CSPP1: variants seen among roughly 807,000 people sequenced by gnomAD.
CSPP1 encodes the protein centrosome and spindle pole-associated protein 1.
Under a neutral mutation model 164.4 loss-of-function variants are expected in CSPP1, and 126 were observed. The ratio of observed to expected loss-of-function variants is 0.77; its 90% CI spans 0.66 to 0.89. CSPP1 has a LOEUF of 0.89. Ranked by LOEUF, CSPP1 falls within the 40% of genes least tolerant of loss-of-function variation. CSPP1 has a pLI of 0.00. For synonymous variants in CSPP1, 472 were observed against 476.7 expected, an observed-to-expected ratio of 0.99 and a Z score of 0.13; for missense variants, 1,395 against 1,449.8, an observed-to-expected ratio of 0.96 and a Z score of 0.61.
rs1817491489 is a variant in CSPP1, at chr8:67,114,314, A to G, written c.1246-15A>G. 1 of 152,744 alleles carries G rather than the reference A, an allele frequency of 6.5e-6. No individual in the cohort carries two copies. Among genetic ancestry groups the G allele is most frequent in the African/African-American group, 2.4e-5 (1 of 41,422 alleles). The allele number at this position is 152,744 out of a possible 1,614,324, so 9.5% of individuals were successfully genotyped here. On this transcript the variant is annotated splice_polypyrimidine_tract_variant and intron_variant, in intron 11 of 30. Coordinates refer to ENST00000678616, the MANE Select transcript of CSPP1 (RefSeq NM_001382391.1). ...ATCTTATTTTTACTTTAATTTTGCA[A>G]TTCTCATCATTAAGTGGAATGAATT...
rs772948998 is a variant in CSPP1 at position 67,095,463 on chromosome 8, A to G, written c.654A>G (p.Arg218=). Residue 218 remains arginine, a synonymous_variant, in exon 7 of 31, where the codon CGA becomes CGG. Coordinates refer to ENST00000678616, the MANE Select transcript of CSPP1 (RefSeq NM_001382391.1). The part of the protein sequence containing the change: ...NQRRLEEDRY[R]QLDDEIELRN... ...GACGACTAGAGGAGGACAGATACCGACAACTAGATGATGAAATCGAATTAA... is the reference window on the plus strand; with the variant it reads ...GACGACTAGAGGAGGACAGATACCGGCAACTAGATGATGAAATCGAATTAA... 8 of 1,613,572 alleles carry G rather than the reference A, an allele frequency of 5.0e-6. No homozygotes were observed. The East Asian group carries it at 1.8e-4, about 36-fold the overall frequency.
chr8:67,099,804 C>A (rs374810668), intron 7 of CSPP1, among the ~76,000 whole-genome samples: 14 of 151,980 alleles, frequency 9.2e-5, no homozygotes, highest in Admixed American at 5.9e-4. Context: ...AAGGAAATGC[C>A]ATAAAAATTG....
Position 67,175,370 on chromosome 8 carries a change from C to A in CSPP1, c.3043C>A (p.Gln1015Lys), listed in dbSNP as rs1831355166. Residue 1015 changes from glutamine to lysine, a missense_variant, in exon 26 of 31, where the codon CAG (glutamine) becomes AAG (lysine). Physicochemically the swap from Gln to Lys is moderately conservative, Grantham distance 53. Coordinates refer to ENST00000678616, the MANE Select transcript of CSPP1 (RefSeq NM_001382391.1). ...PRDHHTLEIQ[Q>K]QALLREQQKR... Reference sequence around the variant, plus strand: ...AGATCATCACACCTTAGAGATTCAGCAGCAAGCCCTGCTAAGAGAGCAGCA... The same window carrying A: ...AGATCATCACACCTTAGAGATTCAGAAGCAAGCCCTGCTAAGAGAGCAGCA... 1 of 1,614,082 alleles carries A rather than the reference C, an allele frequency of 6.2e-7. No homozygotes were observed. The highest frequency in any genetic ancestry group is 1.1e-5 in the South Asian group (1 of 91,076).
chr8:67,105,947 C>G lies in CSPP1; in HGVS notation c.1065C>G (p.Thr355=). The G allele has an allele frequency of 6.3e-7, 1 of 1,593,696 alleles. No homozygotes were observed. Among genetic ancestry groups the G allele is most frequent in the Non-Finnish European group, 8.6e-7 (1 of 1,161,704 alleles). The change falls in exon 9 of 31, where the codon ACC becomes ACG. Residue 355 remains threonine (T), a synonymous_variant. Coordinates refer to ENST00000678616, the MANE Select transcript of CSPP1 (RefSeq NM_001382391.1). ...NETSKSANQD[T]CSPFAGMLFG... ...CATCCAAATCTGCTAATCAAGATAC[C>G]TGTAGTCCTTTTGCAGGGATGCTCT... is the stretch of plus-strand genomic sequence containing the variant.
chr8:67,076,664 G>C, intron 3 of CSPP1, 83 bp downstream of exon 3: 1 of 711,004 alleles, frequency 1.4e-6, no homozygotes. Flanking sequence ...CAGAAAAAAA[G>C]ATTTATTTGG....
At chr8:67,076,978 A>G (rs907462718) in intron 3 of CSPP1, among the ~76,000 whole-genome samples, 2 of 152,166 alleles carry the variant, frequency 1.3e-5, no homozygotes, top group Admixed American at 6.5e-5. Context: ...GTGAAAGACT[A>G]TTTTAATTAT....
At chr8:67,103,168 TCATTA>T in intron 8 of CSPP1, 33 bp downstream of exon 8, 2 of 1,310,884 alleles carry the variant, frequency 1.5e-6, no homozygotes, top group South Asian at 2.4e-5. Flanking sequence ...TCTGCTTTAG[TCATTA>T]CATTGTGAAA....
intron 12 of CSPP1, chr8:67,114,576 C>T (rs927352818): frequency 9.2e-5 from 14 of 152,268 alleles, no homozygotes; most frequent in African/African-American, 3.1e-4. Context: ...GAGAATATAT[C>T]CTGTGGGTTA....
chr8:67,160,787 TTAAAATCCTAATC>T (rs1828192758), intron 21 of CSPP1, among the ~76,000 whole-genome samples: 1 of 151,886 alleles, frequency 6.6e-6, no homozygotes, highest in Non-Finnish European at 1.5e-5. Flanking sequence ...TGTTGAATTT[TTAAAATCCTAATC>T]TGAGTTATAA....
rs773054384 is a variant in CSPP1, at chr8:67,177,742, C to A, written c.3156+16C>A. 6.0e-5 allele frequency: 96 copies of A among 1,597,552 alleles called. No homozygotes were observed. In the East Asian group the frequency reaches 2.1e-3, roughly 36 times the overall value. ...GCAAAGAATGGTAAGCAACCAGTTA[C>A]AATTTTTCAAGTTAGTTTTTGGGGG... is the stretch of plus-strand genomic sequence containing the variant. On this transcript the variant is annotated intron_variant, in intron 27 of 30. Transcript: ENST00000678616.
At position 67,193,554 on chromosome 8, in the gene CSPP1, G is replaced by A. The variant is rs1837021957; in HGVS notation, c.3421G>A (p.Glu1141Lys). ...TGATGAGCTTAGAGTGAGAAATGAG[G>A]AACGAATGCGAAGACTGAATGAATT... ...NVDELRVRNE[E>K]RMRRLNEFHN... The change falls in exon 30 of 31, where the codon GAA becomes AAA. Residue 1141 changes from glutamate (E) to lysine (K), a missense_variant. Transcript: ENST00000678616. The A allele has an allele frequency of 1.2e-6, 2 of 1,613,770 alleles. No homozygotes were observed. Among genetic ancestry groups the A allele is most frequent in the South Asian group, 1.1e-5 (1 of 91,052 alleles).
chr8:67,130,787 A>T (rs538575069), intron 15 of CSPP1, among the ~76,000 whole-genome samples: 1 of 152,158 alleles, frequency 6.6e-6, no homozygotes, highest in East Asian at 1.9e-4. Context: ...CAGGAGTTAG[A>T]GACCAGCCTG....
intron 15 of CSPP1, among the ~76,000 whole-genome samples, chr8:67,120,751 T>G (rs960967936): frequency 6.6e-6 from 1 of 152,190 alleles, no homozygotes; most frequent in Non-Finnish European, 1.5e-5. Context: ...TTAATAATTT[T>G]GTTGTAGAAT....
intron 10 of CSPP1, 87 bp from the exon 11 acceptor site, chr8:67,113,718 T>A: frequency 1.4e-6 from 1 of 694,536 alleles, no homozygotes; most frequent in Non-Finnish European, 2.4e-6. Context: ...GTGCATAGAC[T>A]TTGTGTATAA....
intron 7 of CSPP1, 39 bp from the exon 8 acceptor site, chr8:67,102,998 G>C: frequency 1.7e-6 from 2 of 1,209,906 alleles, no homozygotes; most frequent in Admixed American, 1.7e-5. Context: ...AAGGTCCACT[G>C]TATGTGGCAC....
At position 67,183,315 on chromosome 8, in the gene CSPP1, A is replaced by G. The variant is rs1833508192; in HGVS notation, c.3220+3389A>G. Among the ~76,000 whole-genome samples, 6 of 152,220 alleles carry G rather than the reference A, an allele frequency of 3.9e-5. No homozygotes were observed. The South Asian group carries it at 1.2e-3, about 32-fold the overall frequency. ...CCAACTGGATATAATGGATGTCGAA[A>G]GACAACTTCATTAACAACAGCAGAA... On this transcript the variant is annotated intron_variant, in intron 28 of 30. Coordinates refer to ENST00000678616, the MANE Select transcript of CSPP1 (RefSeq NM_001382391.1).
chr8:67,144,330 G>C (rs544078017), intron 17 of CSPP1, among the ~76,000 whole-genome samples: 1 of 152,276 alleles, frequency 6.6e-6, no homozygotes, highest in African/African-American at 2.4e-5. Context: ...TATTTTGTTA[G>C]AGATTTTTGC....
In CSPP1 at chr8:67,175,298, T is replaced by G; in HGVS notation, c.2971T>G (p.Ser991Ala). 1 of 1,606,162 alleles carries G rather than the reference T, an allele frequency of 6.2e-7. No individual in the cohort carries two copies. The highest frequency in any genetic ancestry group is 8.5e-7 in the Non-Finnish European group (1 of 1,176,140). ...ATATAACATATTTTTTATACCAGATTCAGAAACACGAGTTGATCTGAAATT... is the reference window on the plus strand; with the variant it reads ...ATATAACATATTTTTTATACCAGATGCAGAAACACGAGTTGATCTGAAATT... ...HDFNELKDRDSETRVDLKFMY... is the reference protein window; with the variant it reads ...HDFNELKDRDAETRVDLKFMY... Residue 991 changes from serine (S) to alanine (A), a missense_variant and splice_region_variant, in exon 26 of 31, where the codon TCA (serine) becomes GCA (alanine). By Grantham distance (99) the Ser-to-Ala change is moderately conservative. Transcript: ENST00000678616.
intron 15 of CSPP1, among the ~76,000 whole-genome samples, 180 bp downstream of exon 15, chr8:67,119,001 A>T (rs992891464): frequency 1.3e-5 from 2 of 151,960 alleles, no homozygotes; most frequent in Admixed American, 6.6e-5. Context: ...GTAAACTGAA[A>T]CTCTATACCC....
Sources: allele counts gnomAD v4.1 joint callset (sites outside exome capture counted in the v4.1 genomes callset), GRCh38; gene constraint gnomAD v4.1.1; transcripts MANE v1.5; gene names NCBI Gene and HGNC (gene_info 2026-07-23, HGNC 2026-07-21).